Variants in NEGR1 observed in about 807,000 individuals in gnomAD.
NEGR1 encodes the protein IgLON family member 4.
NEGR1 carries 10 observed loss-of-function variants against 40.9 expected under a neutral mutation model. The observed-to-expected ratio is 0.24, with a 90% CI of 0.15 to 0.42. The LOEUF (loss-of-function observed/expected upper bound fraction) is 0.42, where lower values mean the gene tolerates loss of function less well. Among genes scored for constraint, NEGR1 ranks in the 10% least tolerant of loss-of-function variants. NEGR1 has a pLI of 1.00. For synonymous variants in NEGR1, 185 were observed against 166.8 expected, an observed-to-expected ratio of 1.11 and a Z score of -0.84; for missense variants, 352 against 438.9, an observed-to-expected ratio of 0.80 and a Z score of 1.77.
At chr1:71,915,813 T>C (rs1317172075) in intron 2 of NEGR1, among the ~76,000 whole-genome samples, 2 of 152,222 alleles carry the variant, frequency 1.3e-5, no homozygotes, top group Non-Finnish European at 2.9e-5. Flanking sequence ...TAAGAGATCA[T>C]ATATTGAGAA....
chr1:72,253,458 A>C (rs1439278967), intron 1 of NEGR1, among the ~76,000 whole-genome samples: 2 of 151,886 alleles, frequency 1.3e-5, no homozygotes, highest in Non-Finnish European at 2.9e-5. Flanking sequence ...ATAAATCAAC[A>C]CTCATCATTG....
chr1:72,072,202 T>C (rs941822456), intron 1 of NEGR1, among the ~76,000 whole-genome samples: 3 of 152,142 alleles, frequency 2.0e-5, no homozygotes, highest in African/African-American at 4.8e-5. Context: ...AATCCTATTA[T>C]ATTTTGCTTT....
chr1:71,697,471 G>A (rs562630314), intron 4 of NEGR1, among the ~76,000 whole-genome samples: 3 of 151,828 alleles, frequency 2.0e-5, no homozygotes, highest in African/African-American at 7.2e-5. Context: ...CGGTTCTGCA[G>A]GTATCCAATT....
chr1:71,559,226 T>C (rs2101478341), intron 6 of NEGR1, among the ~76,000 whole-genome samples: 1 of 151,424 alleles, frequency 6.6e-6, no homozygotes, highest in Non-Finnish European at 1.5e-5. Flanking sequence ...TTCTTATTTT[T>C]CAACCCTAGT....
chr1:71,853,481 C>A (rs1659671561), intron 2 of NEGR1, among the ~76,000 whole-genome samples: 1 of 151,684 alleles, frequency 6.6e-6, no homozygotes, highest in Non-Finnish European at 1.5e-5. Flanking sequence ...CAATTGTGTC[C>A]AGTATAATTG....
At chr1:71,511,536 G>T (rs574453223) in intron 6 of NEGR1, among the ~76,000 whole-genome samples, 58 of 152,272 alleles carry the variant, frequency 3.8e-4, no homozygotes, top group African/African-American at 1.3e-3. Flanking sequence ...GAACATAGTG[G>T]AAAGAGTCTA....
In NEGR1 at chr1:72,272,100, AAACT is replaced by A. The variant is rs1655866459; in HGVS notation, c.176+10215_176+10218del. 5.9e-5 allele frequency among the ~76,000 whole-genome samples: 9 copies of A among 152,048 alleles called. No individual in the cohort carries two copies. The South Asian group carries it at 1.9e-3, about 32-fold the overall frequency. On this transcript the variant is annotated intron_variant, in intron 1 of 6. Transcript: ENST00000357731. ...TTTCAGTTATGTAATAAATTATAAG[AAACT>A]AAATATATTTTCTCTTATTATAGTT...
rs538775871 is a variant in NEGR1, at chr1:71,795,764, TG to T, written c.410-19468del. On this transcript the variant is annotated intron_variant, in intron 2 of 6. Transcript: ENST00000357731. ...AAAATGCTGAGTGCAAAAAGCCAGT[TG>T]GGAAAGAATTGTGCAGTATGAAATT... Among the ~76,000 whole-genome samples the T allele has an allele frequency of 2.0e-3, 302 of 152,268 alleles. 1 individual carries two copies. The highest frequency in any genetic ancestry group is 7.0e-3 in the African/African-American group (292 of 41,554).
intron 1 of NEGR1, among the ~76,000 whole-genome samples, chr1:72,254,896 GTTC>G (rs1408259901): frequency 4.0e-5 from 6 of 151,760 alleles, no homozygotes; most frequent in Admixed American, 1.3e-4. Flanking sequence ...CCTTACAGCT[GTTC>G]TTATTTCTTT....
chr1:71,431,038 C>G (rs1487979156), intron 6 of NEGR1, among the ~76,000 whole-genome samples: 2 of 151,140 alleles, frequency 1.3e-5, no homozygotes, highest in East Asian at 3.9e-4. Flanking sequence ...TGAGCCACCG[C>G]GCCCGGCCAA....
At chr1:71,546,838 GGAACAA>G (rs1414706333) in intron 6 of NEGR1, among the ~76,000 whole-genome samples, 1 of 151,590 alleles carries the variant, frequency 6.6e-6, no homozygotes, top group Non-Finnish European at 1.5e-5. Flanking sequence ...CAGGACTTGA[GGAACAA>G]GAACAATGTA....
At chr1:71,533,132 C>T (rs1285579768) in intron 6 of NEGR1, among the ~76,000 whole-genome samples, 12 of 151,486 alleles carry the variant, frequency 7.9e-5, no homozygotes, top group African/African-American at 2.4e-5. Context: ...CATTCTGAGG[C>T]AACATTTAGG....
intron 4 of NEGR1, among the ~76,000 whole-genome samples, chr1:71,652,457 G>A (rs1651747946): frequency 6.6e-6 from 1 of 152,036 alleles, no homozygotes; most frequent in African/African-American, 2.4e-5. Context: ...ATATGGAAAC[G>A]CAGCACAGCC....
intron 1 of NEGR1, among the ~76,000 whole-genome samples, chr1:72,201,844 C>T (rs1653224393): frequency 6.6e-6 from 1 of 151,858 alleles, no homozygotes; most frequent in East Asian, 1.9e-4. Context: ...CTAGATCAAC[C>T]AACCTTAATA....
intron 6 of NEGR1, among the ~76,000 whole-genome samples, chr1:71,566,139 C>T (rs983187217): frequency 2.6e-5 from 4 of 151,974 alleles, no homozygotes; most frequent in Non-Finnish European, 4.4e-5. Flanking sequence ...CTTCTGGCTC[C>T]AGAACTATAA....
At chr1:71,429,776 C>T (rs192791661) in intron 6 of NEGR1, among the ~76,000 whole-genome samples, 2 of 152,248 alleles carry the variant, frequency 1.3e-5, no homozygotes, top group East Asian at 3.9e-4. Context: ...CAGATGGAAA[C>T]TTTGTGTTTG....
At chr1:71,593,876 C>A (rs2101522752) in intron 5 of NEGR1, among the ~76,000 whole-genome samples, 1 of 152,246 alleles carries the variant, frequency 6.6e-6, no homozygotes, top group East Asian at 1.9e-4. Context: ...TTAAAGGACT[C>A]TTATATCTCT....
chr1:71,445,564 G>A lies in NEGR1; in HGVS notation c.941-37994C>T, dbSNP rs546515948. ...GACCTGCTTAGAGTCTGACACAACTGACACCTGAGTCTCCTAACTCTAATA... is the reference window on the plus strand; with the variant it reads ...GACCTGCTTAGAGTCTGACACAACTAACACCTGAGTCTCCTAACTCTAATA... On this transcript the variant is annotated intron_variant, in intron 6 of 6. Transcript: ENST00000357731. Among the ~76,000 whole-genome samples, 4 of 152,210 alleles carry A rather than the reference G, an allele frequency of 2.6e-5. No individual in the cohort carries two copies. In the East Asian group the frequency reaches 7.7e-4, roughly 29 times the overall value.
chr1:72,191,070 T>C (rs558084152), intron 1 of NEGR1, among the ~76,000 whole-genome samples: 31 of 151,836 alleles, frequency 2.0e-4, no homozygotes, highest in African/African-American at 4.8e-4. Context: ...TAAAGGTTTA[T>C]ATAATGATTC....
Sources: gnomAD v4.1 joint callset for allele counts (sites outside exome capture counted in the v4.1 genomes callset) on GRCh38, gnomAD v4.1.1 for gene constraint, MANE v1.5 for transcripts, NCBI Gene and HGNC (gene_info 2026-07-23, HGNC 2026-07-21) for gene names.